The following ATP2C2 variants were observed in gnomAD, a reference collection of about 807,000 sequenced individuals.
ATP2C2 encodes calcium-transporting ATPase type 2C member 2.
In ATP2C2, 171 loss-of-function variants were observed where a neutral mutation model predicts 110.8. The observed-to-expected ratio is 1.54, with a 90% CI of 1.36 to 1.75. The LOEUF (loss-of-function observed/expected upper bound fraction) is 1.75. ATP2C2 is among the 40% of genes most tolerant of loss of function. The probability of loss-of-function intolerance (pLI) is 0.00; values close to 1 mark genes in which losing one functional copy is unlikely to be tolerated. For missense variants in ATP2C2, 1,963 were observed against 1,235.0 expected, an observed-to-expected ratio of 1.59 and a Z score of -8.84; for synonymous variants, 804 against 508.4, an observed-to-expected ratio of 1.58 and a Z score of -7.82.
At chr16:84,436,554 C>T (rs1474384958) in intron 11 of ATP2C2, among the ~76,000 whole-genome samples, 1 of 152,140 alleles carries the variant, frequency 6.6e-6, no homozygotes, top group South Asian at 2.1e-4. Context: ...ATAACAGAAA[C>T]TCCTCATCAC....
intron 3 of ATP2C2, among the ~76,000 whole-genome samples, chr16:84,406,006 G>A (rs562212259): frequency 6.6e-6 from 1 of 152,298 alleles, no homozygotes; most frequent in South Asian, 2.1e-4. Flanking sequence ...CAGTGGACGT[G>A]CTTATACTAA....
At chr16:84,460,840 G>A in intron 24 of ATP2C2, 39 bp downstream of exon 24, 2 of 1,583,050 alleles carry the variant, frequency 1.3e-6, no homozygotes, top group Non-Finnish European at 8.6e-7. Context: ...CCAAGCCCTG[G>A]TGCGGTGCAG....
intron 1 of ATP2C2, 49 bp downstream of exon 1, chr16:84,368,763 C>G (rs769916204): frequency 2.0e-5 from 29 of 1,418,736 alleles, no homozygotes; most frequent in Admixed American, 1.9e-4. Flanking sequence ...CCCCCCATCC[C>G]CTCCGTCGTA....
chr16:84,424,337 G>T (rs966065575), intron 10 of ATP2C2, among the ~76,000 whole-genome samples: 1 of 152,158 alleles, frequency 6.6e-6, no homozygotes, highest in Non-Finnish European at 1.5e-5. Flanking sequence ...GGAGAGCAGT[G>T]GCGTGATCTC....
At chr16:84,388,418 C>T (rs934789625) in intron 1 of ATP2C2, among the ~76,000 whole-genome samples, 4 of 152,226 alleles carry the variant, frequency 2.6e-5, no homozygotes, top group Non-Finnish European at 5.9e-5. Flanking sequence ...TCTGCCCACC[C>T]CTAGGGCTTC....
At chr16:84,401,569 C>T (rs1436554409) in intron 2 of ATP2C2, among the ~76,000 whole-genome samples, 1 of 152,068 alleles carries the variant, frequency 6.6e-6, no homozygotes, top group East Asian at 1.9e-4. Context: ...TTTCCTGGTA[C>T]CATTTATTAA....
intron 12 of ATP2C2, 30 bp downstream of exon 12, chr16:84,439,320 C>T: frequency 1.9e-6 from 3 of 1,613,650 alleles, no homozygotes; most frequent in Non-Finnish European, 2.5e-6. Context: ...GGAATCCTTA[C>T]ACGTGGAATT....
chr16:84,425,924 C>T (rs139660881), intron 11 of ATP2C2, 123 bp downstream of exon 11: 2 of 1,196,310 alleles, frequency 1.7e-6, no homozygotes, highest in Non-Finnish European at 2.5e-6. Flanking sequence ...GCAGCCCCGT[C>T]ACCCAAACTC....
chr16:84,451,788 A>G (rs1192725775), intron 17 of ATP2C2, 133 bp from the exon 18 acceptor site: 7 of 899,610 alleles, frequency 7.8e-6, no homozygotes, highest in Admixed American at 4.6e-5. Flanking sequence ...CAGTGAGCCA[A>G]CATTACACCA....
At position 84,444,247 on chromosome 16, in the gene ATP2C2, T is replaced by C. The variant is rs527582359; in HGVS notation, c.1401+1648T>C. On this transcript the variant is annotated intron_variant, in intron 15 of 26. Coordinates refer to ENST00000262429, the MANE Select transcript of ATP2C2 (RefSeq NM_014861.4). ...CAACACTTTGGGAGACCGAGGCAGG[T>C]GGATCACCTGAGGTCAGGAGTTCAA... 8.5e-3 allele frequency among the ~76,000 whole-genome samples: 1,169 copies of C among 138,320 alleles called. 26 individuals are homozygous for C. Among genetic ancestry groups the C allele is most frequent in the African/African-American group, 0.031 (1,120 of 36,486 alleles). The allele number at this position is 138,320 out of a possible 152,430, so 90.7% of individuals were successfully genotyped here. A position where few individuals can be genotyped will look rare whatever the true frequency, so the allele number is the denominator to read the frequency against.
intron 17 of ATP2C2, among the ~76,000 whole-genome samples, chr16:84,449,210 G>A (rs1910032397): frequency 6.6e-6 from 1 of 152,256 alleles, no homozygotes. Context: ...TCCCTTGGGG[G>A]AAAGTGAGAG....
chr16:84,381,948 C>G (rs537457491), intron 1 of ATP2C2, among the ~76,000 whole-genome samples: 100 of 152,322 alleles, frequency 6.6e-4, no homozygotes, highest in African/African-American at 2.3e-3. Context: ...AAGCTCGAGT[C>G]CCCTGGACTC....
At chr16:84,435,798 G>C (rs943060590) in intron 11 of ATP2C2, among the ~76,000 whole-genome samples, 11 of 151,086 alleles carry the variant, frequency 7.3e-5, no homozygotes, top group African/African-American at 2.7e-4. Context: ...CTGCACTCCA[G>C]CCTGGGCGAC....
chr16:84,387,184 C>CT (rs2151404904), intron 1 of ATP2C2, among the ~76,000 whole-genome samples: 1 of 152,294 alleles, frequency 6.6e-6, no homozygotes, highest in East Asian at 1.9e-4. Context: ...CTCGTATCTC[C>CT]TGGAGGGCTT....
intron 1 of ATP2C2, among the ~76,000 whole-genome samples, chr16:84,395,537 C>T (rs989259142): frequency 2.7e-5 from 4 of 150,012 alleles, no homozygotes; most frequent in African/African-American, 9.8e-5. Context: ...TGGCTCATTG[C>T]AACCTCCGCC....
Position 84,452,497 on chromosome 16 carries a change from C to CTTT in ATP2C2, c.1831+423_1831+425dup, listed in dbSNP as rs397816630. The stretch of plus-strand genomic sequence containing the variant: ...GCTAGCAGCCCTTCTCCTCTAGTTA[C>CTTT]TTTTTTTTTTTTTTTTTTTGAGATG... On this transcript the variant is annotated intron_variant, in intron 18 of 26. Transcript: ENST00000262429. 2.7e-3 allele frequency among the ~76,000 whole-genome samples: 316 copies of CTTT among 118,312 alleles called. 10 individuals are homozygous for CTTT. The highest frequency in any genetic ancestry group is 8.7e-3 in the African/African-American group (267 of 30,806). The allele number at this position is 118,312 out of a possible 152,430, so 77.6% of individuals were successfully genotyped here.
chr16:84,374,231 C>G (rs541301396), intron 1 of ATP2C2, among the ~76,000 whole-genome samples: 1 of 150,872 alleles, frequency 6.6e-6, no homozygotes, highest in East Asian at 2.0e-4. Context: ...TTAGGCTTTT[C>G]TCACCGAATC....
chr16:84,402,284 C>A (rs1258838066), intron 2 of ATP2C2, among the ~76,000 whole-genome samples: 1 of 152,288 alleles, frequency 6.6e-6, no homozygotes, highest in East Asian at 1.9e-4. Flanking sequence ...AATTTGACTT[C>A]TTCCTTTCCA....
intron 11 of ATP2C2, among the ~76,000 whole-genome samples, chr16:84,437,705 G>C (rs1400315276): frequency 1.3e-5 from 2 of 152,074 alleles, no homozygotes; most frequent in African/African-American, 2.4e-5. Context: ...TAGTAGAGAT[G>C]GGGTTTCACC....
Sources: gnomAD v4.1 joint callset for allele counts (sites outside exome capture counted in the v4.1 genomes callset) on GRCh38, gnomAD v4.1.1 for gene constraint, MANE v1.5 for transcripts, NCBI Gene and HGNC (gene_info 2026-07-23, HGNC 2026-07-21) for gene names.